The following RXYLT1 variants were observed in gnomAD, a reference collection of about 807,000 sequenced individuals.
RXYLT1 encodes ribitol xylosyltransferase 1.
A neutral mutation model predicts 43.5 loss-of-function variants in RXYLT1; 41 were observed. That is an observed-to-expected ratio of 0.94 (90% confidence interval 0.73 to 1.22). The LOEUF (loss-of-function observed/expected upper bound fraction) is 1.22, where lower values mean the gene tolerates loss of function less well. RXYLT1 is among the 50% of genes most tolerant of loss of function. The pLI is 0.00. For missense variants in RXYLT1, 514 were observed against 532.0 expected (o/e 0.97, Z 0.33); for synonymous variants, 166 against 194.4 (o/e 0.85, Z 1.21).
intron 4 of RXYLT1, 31 bp from the exon 5 acceptor site, chr12:63,805,203 T>A (rs1420910005): frequency 1.3e-6 from 2 of 1,566,096 alleles, no homozygotes; most frequent in Non-Finnish European, 1.7e-6. Flanking sequence ...TTCTATATCA[T>A]ATGTTAATTC....
rs147930035 is a variant in RXYLT1, at chr12:63,789,374, A to T, written c.428+4302A>T. The stretch of plus-strand genomic sequence containing the variant: ...GTGAGACTTATTCACTATCATGAGA[A>T]CAGTACAAGAAAGACCTGCCCCCAT... On this transcript the variant is annotated intron_variant, in intron 3 of 5. Coordinates refer to ENST00000261234, the MANE Select transcript of RXYLT1 (RefSeq NM_014254.3). 6.2e-3 allele frequency among the ~76,000 whole-genome samples: 943 copies of T among 152,284 alleles called. 7 individuals are homozygous for T. The highest frequency in any genetic ancestry group is 0.01 in the Non-Finnish European group (694 of 68,010).
intron 3 of RXYLT1, among the ~76,000 whole-genome samples, chr12:63,790,101 CA>C (rs1289529394): frequency 6.6e-6 from 1 of 152,074 alleles, no homozygotes. Flanking sequence ...TGATTTTCAT[CA>C]ACACATAGGC....
chr12:63,793,671 G>A (rs563318198), intron 3 of RXYLT1, among the ~76,000 whole-genome samples: 1 of 152,088 alleles, frequency 6.6e-6, no homozygotes, highest in Non-Finnish European at 1.5e-5. Flanking sequence ...TGCCTAAATA[G>A]TAGTAGAAAT....
At position 63,779,956 on chromosome 12, in the gene RXYLT1, G is replaced by A. The variant is rs779295631; in HGVS notation, c.-5G>A. 4 of 1,610,850 alleles carry A rather than the reference G, an allele frequency of 2.5e-6. No homozygotes were observed. The highest frequency in any genetic ancestry group is 3.4e-6 in the Non-Finnish European group (4 of 1,179,016). ...GGTGGATGCCTGACTGGAAGCCCGA[G>A]TGGGATGCGGCTGACGCGGAAGCGG... On this transcript the variant is annotated 5_prime_UTR_variant, in exon 1 of 6. The change creates a new upstream start codon in the 5' untranslated region. Transcript: ENST00000261234.
At chr12:63,808,181 C>T (rs1565908362) in intron 5 of RXYLT1, 1 of 156,956 alleles carries the variant, frequency 6.4e-6, no homozygotes, top group East Asian at 1.9e-4. Context: ...ATCCCCAACT[C>T]TGTGCTCAGA....
intron 5 of RXYLT1, chr12:63,805,708 A>G (rs1898275292): frequency 4.8e-6 from 1 of 207,206 alleles, no homozygotes; most frequent in Admixed American, 5.8e-5. Flanking sequence ...TGCTAATGAG[A>G]TACTTAGGTT....
At chr12:63,801,785 G>A (rs1406538097) in intron 3 of RXYLT1, among the ~76,000 whole-genome samples, 1 of 151,816 alleles carries the variant, frequency 6.6e-6, no homozygotes, top group Non-Finnish European at 1.5e-5. Context: ...TTGCACCACT[G>A]CACTCCAGCC....
intron 5 of RXYLT1, 142 bp from the exon 6 acceptor site, chr12:63,808,533 A>G (rs1565908488): frequency 1.1e-5 from 9 of 825,126 alleles, no homozygotes; most frequent in Non-Finnish European, 1.6e-5. Flanking sequence ...TTGGGCCAGG[A>G]TTTTGGATAT....
intron 3 of RXYLT1, among the ~76,000 whole-genome samples, chr12:63,797,306 A>C (rs1310557485): frequency 6.6e-6 from 1 of 152,166 alleles, no homozygotes; most frequent in Non-Finnish European, 1.5e-5. Flanking sequence ...TAATGATAAG[A>C]ATATGCATAC....
At chr12:63,784,680 A>T (rs1285740309) in intron 2 of RXYLT1, among the ~76,000 whole-genome samples, 1 of 152,204 alleles carries the variant, frequency 6.6e-6, no homozygotes, top group African/African-American at 2.4e-5. Context: ...GGTGGTAAAG[A>T]TCCATATAAA....
rs1481143945 is a variant in RXYLT1 at position 63,805,330 on chromosome 12, A to G, written c.840A>G (p.Ser280=). The change falls in exon 5 of 6, where the codon TCA becomes TCG. Residue 280 remains serine, a synonymous_variant. Coordinates refer to ENST00000261234, the MANE Select transcript of RXYLT1 (RefSeq NM_014254.3). ...CNFLGTIYEN[S]SRQALMNILK... ...TCTTAGGAACGATTTATGAAAATTC[A>G]TCCAGACAGGCACTAATGAACATTT... The G allele has an allele frequency of 1.2e-6, 2 of 1,613,434 alleles. No homozygotes were observed. Among genetic ancestry groups the G allele is most frequent in the East Asian group, 4.5e-5 (2 of 44,840 alleles).
chr12:63,780,204 C>T (rs1215553415), intron 1 of RXYLT1, 75 bp downstream of exon 1: 5 of 1,393,388 alleles, frequency 3.6e-6, no homozygotes, highest in African/African-American at 1.5e-5. Flanking sequence ...GGCCGGGTCC[C>T]CGCACCCGGC....
intron 3 of RXYLT1, among the ~76,000 whole-genome samples, chr12:63,788,371 A>G (rs990369341): frequency 6.6e-6 from 1 of 152,220 alleles, no homozygotes; most frequent in South Asian, 2.1e-4. Context: ...TCTAGCTATG[A>G]AAGTCCTAGA....
chr12:63,781,003 AC>A lies in RXYLT1; in HGVS notation c.170-15del, dbSNP rs745557975. On this transcript the variant is annotated splice_polypyrimidine_tract_variant and intron_variant, in intron 1 of 5. Coordinates refer to ENST00000261234, the MANE Select transcript of RXYLT1 (RefSeq NM_014254.3). ...AATAATACCTTACTGGTAAACACTT[AC>A]TCTTTTTAAAACAGAACAGTCCACT... is the stretch of plus-strand genomic sequence containing the variant. 25 of 1,555,058 alleles carry A rather than the reference AC, an allele frequency of 1.6e-5. No homozygotes were observed. Among genetic ancestry groups the A allele is most frequent in the Admixed American group, 2.1e-5 (1 of 48,316 alleles).
intron 3 of RXYLT1, among the ~76,000 whole-genome samples, chr12:63,793,642 C>T (rs1047856281): frequency 1.3e-5 from 2 of 151,972 alleles, no homozygotes; most frequent in Non-Finnish European, 2.9e-5. Context: ...ACTAAAATTG[C>T]CTTTAGCTAC....
At chr12:63,806,571 A>G (rs979237622) in intron 5 of RXYLT1, 1 of 152,276 alleles carries the variant, frequency 6.6e-6, no homozygotes, top group Admixed American at 6.5e-5. Flanking sequence ...CAACAGGGCC[A>G]GTATGTCTGG....
At chr12:63,796,963 CTTTTTTTTTTTT>C (rs776895611) in intron 3 of RXYLT1, among the ~76,000 whole-genome samples, 1 of 132,330 alleles carries the variant, frequency 7.6e-6, no homozygotes. Context: ...TTTTCTTTTT[CTTTTTTTTTTTT>C]TTTTTTGTGA....
At chr12:63,802,764 A>G (rs1898192650) in intron 4 of RXYLT1, among the ~76,000 whole-genome samples, 3 of 152,134 alleles carry the variant, frequency 2.0e-5, no homozygotes, top group African/African-American at 7.2e-5. Context: ...AAAAGGCAAT[A>G]TTATTATATC....
intron 5 of RXYLT1, 28 bp downstream of exon 5, chr12:63,805,432 C>G: frequency 1.3e-6 from 2 of 1,534,708 alleles, no homozygotes; most frequent in Admixed American, 4.3e-5. Context: ...TTAATTCATT[C>G]ATTTTGTTCT....
Sources: gnomAD v4.1 joint callset for allele counts (sites outside exome capture counted in the v4.1 genomes callset) on GRCh38, gnomAD v4.1.1 for gene constraint, MANE v1.5 for transcripts, NCBI Gene and HGNC (gene_info 2026-07-23, HGNC 2026-07-21) for gene names.